Variants in CREB5 observed in about 807,000 individuals in gnomAD.
CREB5 encodes the protein cyclic AMP-responsive element-binding protein 5.
CREB5 carries 19 observed loss-of-function variants against 57.1 expected under a neutral mutation model. The ratio of observed to expected loss-of-function variants is 0.33; its 90% confidence interval spans 0.23 to 0.49. The LOEUF is 0.49. Among genes scored for constraint, CREB5 ranks in the 20% least tolerant of loss-of-function variants. CREB5 has a pLI of 0.99. For synonymous variants in CREB5, 238 were observed against 238.3 expected (o/e 1.00, Z 0.01); for missense variants, 579 against 671.6 (o/e 0.86, Z 1.52).
intron 5 of CREB5, among the ~76,000 whole-genome samples, chr7:28,633,502 G>C (rs1407514281): frequency 6.6e-6 from 1 of 152,226 alleles, no homozygotes; most frequent in African/African-American, 2.4e-5. Flanking sequence ...CAGAGAAAAA[G>C]CACTCTGGAG....
At chr7:28,324,588 T>C (rs1436611454) in intron 1 of CREB5, among the ~76,000 whole-genome samples, 1 of 152,188 alleles carries the variant, frequency 6.6e-6, no homozygotes, top group African/African-American at 2.4e-5. Context: ...TGCTGGAGGC[T>C]TTTGGAGCAC....
At chr7:28,560,897 C>CGCGCGTGT (rs1554344445) in intron 4 of CREB5, among the ~76,000 whole-genome samples, 1 of 22,524 alleles carries the variant, frequency 4.4e-5, no homozygotes. Context: ...CGTGTGTGTG[C>CGCGCGTGT]GTGCGCGCGT....
intron 1 of CREB5, among the ~76,000 whole-genome samples, chr7:28,325,745 C>T (rs1385697271): frequency 2.6e-5 from 4 of 152,230 alleles, no homozygotes; most frequent in Non-Finnish European, 4.4e-5. Context: ...ATATGATCAG[C>T]TTCTTCTTCT....
intron 7 of CREB5, among the ~76,000 whole-genome samples, chr7:28,757,319 C>T (rs1434796974): frequency 6.6e-6 from 1 of 152,140 alleles, no homozygotes; most frequent in African/African-American, 2.4e-5. Context: ...GAGTTCATGC[C>T]TTTAACTACT....
intron 9 of CREB5, among the ~76,000 whole-genome samples, chr7:28,815,492 G>GTGA (rs1054953602): frequency 4.6e-5 from 7 of 152,176 alleles, no homozygotes; most frequent in African/African-American, 1.7e-4. Context: ...TGGGGTTTTG[G>GTGA]TGATAGGCCA....
chr7:28,367,859 A>G (rs950183800), intron 1 of CREB5, among the ~76,000 whole-genome samples: 2 of 152,020 alleles, frequency 1.3e-5, no homozygotes, highest in Non-Finnish European at 2.9e-5. Context: ...ACAAAGAAAC[A>G]CAAAACATAT....
Position 28,819,131 on chromosome 7 carries a change from C to G in CREB5, c.1379C>G (p.Pro460Arg). 7 of 1,613,388 alleles carry G rather than the reference C, an allele frequency of 4.3e-6. No homozygotes were observed. The highest frequency in any genetic ancestry group is 5.1e-6 in the Non-Finnish European group (6 of 1,179,648). Reference sequence around the variant, plus strand: ...TTCTCCCTAGGTCCAGAGAGTAGCCCTCCTGCTAGTCCTGTCCCAGCTTGC... The same window carrying G: ...TTCTCCCTAGGTCCAGAGAGTAGCCGTCCTGCTAGTCCTGTCCCAGCTTGC... ...SQGYLSPESSPPASPVPACSQ... is the reference protein window; with the variant it reads ...SQGYLSPESSRPASPVPACSQ... Residue 460 changes from proline to arginine, a missense_variant, in exon 11 of 11, where the codon CCT becomes CGT. Physicochemically the swap from Pro to Arg is moderately radical, Grantham distance 103 (BLOSUM62 -2). This residue lies in a region of CREB5 where 114 missense variants were observed against 130.8 expected (regional missense o/e 0.87). Transcript: ENST00000357727.
At position 28,438,199 on chromosome 7, in the gene CREB5, T is replaced by G. The variant is rs186417318; in HGVS notation, c.3+25282T>G. 2.2e-4 allele frequency among the ~76,000 whole-genome samples: 34 copies of G among 152,274 alleles called. 1 individual carries two copies. The East Asian group carries it at 6.0e-3, about 27-fold the overall frequency. On this transcript the variant is annotated intron_variant, in intron 1 of 10. Transcript: ENST00000357727. ...GTAGATATTGCTTAACTCATTCATT[T>G]CTCTAGAGCTAGAGTTTAGGGTTTC...
chr7:28,315,563 T>C (rs906850575), intron 1 of CREB5, among the ~76,000 whole-genome samples: 3 of 152,244 alleles, frequency 2.0e-5, no homozygotes, highest in Admixed American at 1.3e-4. Flanking sequence ...ACAGATTTCA[T>C]CATTGTGAGG....
At chr7:28,712,751 C>G (rs1464992761) in intron 5 of CREB5, among the ~76,000 whole-genome samples, 1 of 151,754 alleles carries the variant, frequency 6.6e-6, no homozygotes, top group African/African-American at 2.4e-5. Flanking sequence ...CCAGACTGGT[C>G]TCAAACTCCT....
intron 1 of CREB5, among the ~76,000 whole-genome samples, chr7:28,440,462 G>C (rs1486246640): frequency 6.6e-6 from 1 of 152,176 alleles, no homozygotes; most frequent in East Asian, 1.9e-4. Flanking sequence ...GGAAGCCACT[G>C]CAGTGGTACC....
At chr7:28,550,220 CTCCTTCTCT>C (rs1179264641) in intron 4 of CREB5, among the ~76,000 whole-genome samples, 1 of 151,940 alleles carries the variant, frequency 6.6e-6, no homozygotes, top group Admixed American at 6.6e-5. Context: ...CCTCCTTCTC[CTCCTTCTCT>C]GTCTTCTTGT....
At chr7:28,328,619 C>T (rs1181653839) in intron 1 of CREB5, among the ~76,000 whole-genome samples, 3 of 152,188 alleles carry the variant, frequency 2.0e-5, no homozygotes, top group Non-Finnish European at 4.4e-5. Context: ...TTATTATCTG[C>T]AACGACTCTT....
chr7:28,311,008 T>C (rs1785266181), intron 1 of CREB5, among the ~76,000 whole-genome samples: 1 of 151,942 alleles, frequency 6.6e-6, no homozygotes, highest in Non-Finnish European at 1.5e-5. Flanking sequence ...GAATAAATAT[T>C]TTAGGCCAGG....
chr7:28,477,053 T>C (rs1486791136), intron 1 of CREB5, among the ~76,000 whole-genome samples: 5 of 152,204 alleles, frequency 3.3e-5, no homozygotes, highest in Admixed American at 3.3e-4. Flanking sequence ...TGGTAGGTGC[T>C]CAGTGACGAT....
At chr7:28,393,562 A>G (rs1434758317) in intron 1 of CREB5, among the ~76,000 whole-genome samples, 3 of 152,226 alleles carry the variant, frequency 2.0e-5, no homozygotes, top group African/African-American at 7.2e-5. Flanking sequence ...CTGACATAAA[A>G]AGAGCTTGGC....
chr7:28,453,311 C>T (rs552285376), intron 1 of CREB5, among the ~76,000 whole-genome samples: 29 of 152,108 alleles, frequency 1.9e-4, no homozygotes, highest in African/African-American at 5.8e-4. Context: ...TGGTGGCACA[C>T]GCCTGTAGTC....
intron 7 of CREB5, among the ~76,000 whole-genome samples, chr7:28,785,503 C>T (rs1016253287): frequency 1.3e-5 from 2 of 152,106 alleles, no homozygotes; most frequent in Non-Finnish European, 2.9e-5. Context: ...TGGGATAAAG[C>T]GATGGTTGTT....
At chr7:28,599,221 A>C (rs1796812613) in intron 5 of CREB5, among the ~76,000 whole-genome samples, 1 of 152,028 alleles carries the variant, frequency 6.6e-6, no homozygotes, top group Non-Finnish European at 1.5e-5. Context: ...TATATACAGG[A>C]TATATATATT....
Sources: gnomAD v4.1 joint callset for allele counts (sites outside exome capture counted in the v4.1 genomes callset) on GRCh38, gnomAD v4.1.1 for gene constraint, gnomAD v4.1.1 regional missense constraint, MANE v1.5 for transcripts, NCBI Gene and HGNC (gene_info 2026-07-23, HGNC 2026-07-21) for gene names.